Variants in CFAP299 observed in about 807,000 individuals in gnomAD.
CFAP299 encodes cilia- and flagella-associated protein 299.
A neutral mutation model predicts 27.0 loss-of-function variants in CFAP299; 21 were observed. That is an observed-to-expected ratio of 0.78 (90% CI 0.55 to 1.12). The LOEUF is 1.12. CFAP299 is among the 50% of genes most tolerant of loss of function. The pLI is 0.00. For missense variants in CFAP299, 310 were observed against 276.6 expected (o/e 1.12, Z -0.86); for synonymous variants, 104 against 98.1 (o/e 1.06, Z -0.36).
At chr4:80,689,588 A>C (rs185627634) in intron 3 of CFAP299, among the ~76,000 whole-genome samples, 1 of 152,352 alleles carries the variant, frequency 6.6e-6, no homozygotes, top group African/African-American at 2.4e-5. Flanking sequence ...ATGCAAAATC[A>C]TGCCAAATTG....
chr4:80,960,828 A>G (rs1326993481), intron 5 of CFAP299, among the ~76,000 whole-genome samples: 2 of 151,904 alleles, frequency 1.3e-5, no homozygotes. Context: ...TGCAACTTCC[A>G]ATAGCCACAC....
At chr4:80,845,137 A>G (rs1254199949) in intron 3 of CFAP299, among the ~76,000 whole-genome samples, 3 of 152,180 alleles carry the variant, frequency 2.0e-5, no homozygotes, top group African/African-American at 7.2e-5. Flanking sequence ...TACCAGTACC[A>G]TGCTGTTTTG....
chr4:80,934,247 G>T (rs1236226522), intron 4 of CFAP299, among the ~76,000 whole-genome samples: 1 of 152,004 alleles, frequency 6.6e-6, no homozygotes, highest in East Asian at 1.9e-4. Context: ...AGCCATCCTT[G>T]TATCCGAGGG....
intron 4 of CFAP299, among the ~76,000 whole-genome samples, chr4:80,904,336 G>A (rs1225600851): frequency 6.6e-6 from 1 of 152,106 alleles, no homozygotes; most frequent in Non-Finnish European, 1.5e-5. Flanking sequence ...GTGCATATGA[G>A]CAAGTCAATG....
At chr4:80,536,079 C>A (rs1381069745) in intron 2 of CFAP299, among the ~76,000 whole-genome samples, 1 of 152,112 alleles carries the variant, frequency 6.6e-6, no homozygotes, top group Non-Finnish European at 1.5e-5. Context: ...GAAGATCTGT[C>A]TGATGGTTAA....
At chr4:80,693,168 A>G (rs908333831) in intron 3 of CFAP299, among the ~76,000 whole-genome samples, 1 of 152,192 alleles carries the variant, frequency 6.6e-6, no homozygotes, top group African/African-American at 2.4e-5. Context: ...AACTAGAAAT[A>G]CCATTTGACC....
chr4:80,882,988 G>A (rs976810276), intron 4 of CFAP299, among the ~76,000 whole-genome samples: 1 of 152,156 alleles, frequency 6.6e-6, no homozygotes, highest in East Asian at 1.9e-4. Context: ...AAATCTCATT[G>A]CTTAAAATAA....
chr4:80,753,126 A>G (rs568500519), intron 3 of CFAP299, among the ~76,000 whole-genome samples: 1 of 151,618 alleles, frequency 6.6e-6, no homozygotes, highest in East Asian at 1.9e-4. Context: ...GTCTTGAAAA[A>G]TATTCCTTAT....
intron 4 of CFAP299, among the ~76,000 whole-genome samples, chr4:80,929,304 A>G (rs1474947884): frequency 2.0e-5 from 3 of 151,254 alleles, no homozygotes; most frequent in African/African-American, 2.4e-5. Context: ...TCCAGTCTCT[A>G]TGGCACCATT....
At chr4:80,497,114 A>G (rs1731489199) in intron 2 of CFAP299, among the ~76,000 whole-genome samples, 1 of 152,102 alleles carries the variant, frequency 6.6e-6, no homozygotes, top group African/African-American at 2.4e-5. Flanking sequence ...ACACACATGC[A>G]AACTATATAA....
intron 3 of CFAP299, among the ~76,000 whole-genome samples, chr4:80,608,617 A>G (rs982905539): frequency 6.6e-6 from 1 of 152,162 alleles, no homozygotes; most frequent in Non-Finnish European, 1.5e-5. Context: ...TGTAGATTTA[A>G]TGAAGGAACT....
At chr4:80,429,414 G>A (rs4693760) in intron 2 of CFAP299, among the ~76,000 whole-genome samples, 139,354 of 152,186 alleles carry the variant, frequency 0.92, 64,728 homozygotes, top group East Asian at 1. Context: ...ATCTAATTAG[G>A]AACTTTCCAG....
chr4:80,338,026 C>G (rs1722241733), intron 1 of CFAP299, among the ~76,000 whole-genome samples: 1 of 152,092 alleles, frequency 6.6e-6, no homozygotes, highest in Admixed American at 6.5e-5. Context: ...AGCATTCTTT[C>G]AGTAGTATGG....
chr4:80,351,764 TTAA>T (rs1235592106), intron 1 of CFAP299, among the ~76,000 whole-genome samples: 1 of 151,150 alleles, frequency 6.6e-6, no homozygotes, highest in African/African-American at 2.4e-5. Context: ...CATTAACAGA[TTAA>T]TAATAAAACA....
chr4:80,550,556 G>C (rs759410472), intron 2 of CFAP299, among the ~76,000 whole-genome samples: 2 of 152,020 alleles, frequency 1.3e-5, no homozygotes, highest in Non-Finnish European at 2.9e-5. Context: ...GTGATTATAA[G>C]TGGGTTTTAG....
chr4:80,946,229 A>G (rs1025381052), intron 5 of CFAP299, among the ~76,000 whole-genome samples: 4 of 152,210 alleles, frequency 2.6e-5, no homozygotes, highest in African/African-American at 9.6e-5. Flanking sequence ...AGTAATTTAA[A>G]CAGGATAGAA....
chr4:80,686,829 T>C (rs1420241195), intron 3 of CFAP299, among the ~76,000 whole-genome samples: 1 of 152,220 alleles, frequency 6.6e-6, no homozygotes, highest in Non-Finnish European at 1.5e-5. Flanking sequence ...TTTGGTGGCA[T>C]GTGCGTGGTA....
At chr4:80,750,365 TTATA>T (rs1206904930) in intron 3 of CFAP299, among the ~76,000 whole-genome samples, 1 of 152,162 alleles carries the variant, frequency 6.6e-6, no homozygotes. Flanking sequence ...ATATATCTTA[TTATA>T]TATAATTACT....
At chr4:80,938,664 T>C (rs1167611059) in intron 4 of CFAP299, among the ~76,000 whole-genome samples, 3 of 152,208 alleles carry the variant, frequency 2.0e-5, no homozygotes, top group Non-Finnish European at 2.9e-5. Context: ...CCTCTAGCGC[T>C]GCTAGGTTAG....
Sources: allele counts gnomAD v4.1 joint callset (sites outside exome capture counted in the v4.1 genomes callset), GRCh38; gene constraint gnomAD v4.1.1; transcripts MANE v1.5; gene names NCBI Gene and HGNC (gene_info 2026-07-23, HGNC 2026-07-21).